The following GREM2 variants were observed in gnomAD, a reference collection of about 807,000 sequenced individuals.
The protein encoded by GREM2 is gremlin 2, DAN family BMP antagonist.
A neutral mutation model predicts 14.2 loss-of-function variants in GREM2; 11 were observed. That is an observed-to-expected ratio of 0.78 (90% CI 0.49 to 1.28). The LOEUF is 1.28. Ranked by LOEUF, GREM2 falls within the 50% of genes most tolerant of loss-of-function variation. GREM2 has a pLI of 0.00. For missense variants in GREM2, 210 were observed against 218.5 expected, an observed-to-expected ratio of 0.96 and a Z score of 0.24; for synonymous variants, 98 against 97.6, an observed-to-expected ratio of 1.00 and a Z score of -0.02.
At chr1:240,587,062 T>G (rs1262765425) in intron 1 of GREM2, among the ~76,000 whole-genome samples, 2 of 152,200 alleles carry the variant, frequency 1.3e-5, no homozygotes, top group African/African-American at 2.4e-5. Flanking sequence ...GATCCTGCTC[T>G]TGGGTCTGAT....
At position 240,526,217 on chromosome 1, in the gene GREM2, G is replaced by T. The variant is rs187809640; in HGVS notation, c.-1-32741C>A. Among the ~76,000 whole-genome samples the T allele has an allele frequency of 7.2e-5, 11 of 152,232 alleles. 2 individuals carry two copies. The South Asian group carries it at 2.3e-3, about 32-fold the overall frequency. On this transcript the variant is annotated intron_variant, in intron 1 of 1. Coordinates refer to ENST00000318160, the MANE Select transcript of GREM2 (RefSeq NM_022469.4). Reference sequence around the variant, plus strand: ...CATCTTTGGAGGGGGGCATTGTTTCGTCTGCCACGCCTCTCTAACGTGATT... The same window carrying T: ...CATCTTTGGAGGGGGGCATTGTTTCTTCTGCCACGCCTCTCTAACGTGATT...
rs374602745 is a variant in GREM2 at position 240,538,439 on chromosome 1, C to T, written c.-1-44963G>A. On this transcript the variant is annotated intron_variant, in intron 1 of 1. Transcript: ENST00000318160. ...TCTAGAGGCCAGGTGCGATGGCTCA[C>T]GCCTGTAATCCCAGCACTTTGGCAA... 4.3e-4 allele frequency among the ~76,000 whole-genome samples: 65 copies of T among 152,122 alleles called. 1 individual carries two copies. Among genetic ancestry groups the T allele is most frequent in the African/African-American group, 1.5e-3 (64 of 41,482 alleles).
intron 1 of GREM2, among the ~76,000 whole-genome samples, chr1:240,493,768 C>T (rs1029127209): frequency 5.3e-5 from 8 of 152,052 alleles, no homozygotes; most frequent in African/African-American, 1.9e-4. Flanking sequence ...TGGCCTCAAG[C>T]GCTCCTCTGC....
chr1:240,494,887 T>C (rs112578184), intron 1 of GREM2, among the ~76,000 whole-genome samples: 5,152 of 151,928 alleles, frequency 0.034, 314 homozygotes, highest in African/African-American at 0.12. Flanking sequence ...TGCGACAGAG[T>C]GAGACTCCGG....
chr1:240,607,169 G>A (rs975114246), intron 1 of GREM2, among the ~76,000 whole-genome samples: 1 of 152,146 alleles, frequency 6.6e-6, no homozygotes, highest in African/African-American at 2.4e-5. Context: ...TCAGAGGGAA[G>A]CACGTAGAAT....
intron 1 of GREM2, among the ~76,000 whole-genome samples, chr1:240,600,354 T>C (rs1679898367): frequency 6.6e-6 from 1 of 152,158 alleles, no homozygotes; most frequent in South Asian, 2.1e-4. Flanking sequence ...TCCCAGACCT[T>C]TACAGGAGCA....
At chr1:240,567,741 A>G (rs1228981758) in intron 1 of GREM2, among the ~76,000 whole-genome samples, 1 of 152,242 alleles carries the variant, frequency 6.6e-6, no homozygotes. Context: ...CAGAAATGGT[A>G]ACAAGTGAGT....
At chr1:240,551,555 C>T (rs908770582) in intron 1 of GREM2, among the ~76,000 whole-genome samples, 2 of 152,032 alleles carry the variant, frequency 1.3e-5, no homozygotes, top group South Asian at 4.1e-4. Flanking sequence ...CACATGTTGG[C>T]CAGGCTGGTC....
chr1:240,501,915 A>G (rs1558138903), intron 1 of GREM2, among the ~76,000 whole-genome samples: 1 of 152,206 alleles, frequency 6.6e-6, no homozygotes, highest in African/African-American at 2.4e-5. Context: ...ATCAGAAGCT[A>G]TCCATTAGAA....
intron 1 of GREM2, among the ~76,000 whole-genome samples, chr1:240,573,925 G>A (rs1356886503): frequency 2.0e-5 from 3 of 151,960 alleles, no homozygotes; most frequent in Non-Finnish European, 4.4e-5. Flanking sequence ...AGATAGGTTT[G>A]TTTTGTTTTG....
intron 1 of GREM2, among the ~76,000 whole-genome samples, chr1:240,601,319 AT>A (rs1679918079): frequency 1.3e-5 from 2 of 152,336 alleles, no homozygotes; most frequent in South Asian, 4.1e-4. Flanking sequence ...TTCAAAATTC[AT>A]GCTCCAAACC....
At chr1:240,563,228 TGA>T (rs144624263) in intron 1 of GREM2, among the ~76,000 whole-genome samples, 4,748 of 151,950 alleles carry the variant, frequency 0.031, 148 homozygotes, top group African/African-American at 0.079. Flanking sequence ...TGAGTGTGCG[TGA>T]GAGTGTGTGT....
intron 1 of GREM2, among the ~76,000 whole-genome samples, chr1:240,506,842 G>C (rs1282191752): frequency 6.6e-6 from 1 of 152,216 alleles, no homozygotes; most frequent in Admixed American, 6.5e-5. Context: ...CTAGGGAATT[G>C]GCTGTTTGAG....
chr1:240,500,638 T>C (rs1422160627), intron 1 of GREM2, among the ~76,000 whole-genome samples: 1 of 152,180 alleles, frequency 6.6e-6, no homozygotes, highest in Admixed American at 6.5e-5. Flanking sequence ...CACACTCTTT[T>C]GCAACTTTTT....
chr1:240,558,759 A>T (rs919568567), intron 1 of GREM2, among the ~76,000 whole-genome samples: 1 of 152,124 alleles, frequency 6.6e-6, no homozygotes, highest in Non-Finnish European at 1.5e-5. Context: ...TGTTGGTTAT[A>T]TCTATCATAT....
chr1:240,587,043 T>A (rs947985819), intron 1 of GREM2, among the ~76,000 whole-genome samples: 5 of 152,188 alleles, frequency 3.3e-5, no homozygotes, highest in African/African-American at 1.2e-4. Context: ...TCGAAGGCTT[T>A]ATTTGATCGA....
At chr1:240,582,432 T>C (rs1215976576) in intron 1 of GREM2, among the ~76,000 whole-genome samples, 1 of 151,454 alleles carries the variant, frequency 6.6e-6, no homozygotes, top group Non-Finnish European at 1.5e-5. Flanking sequence ...TGAAACTCCA[T>C]CACACACACA....
At chr1:240,563,382 T>TA (rs1361105842) in intron 1 of GREM2, among the ~76,000 whole-genome samples, 1 of 152,192 alleles carries the variant, frequency 6.6e-6, no homozygotes, top group Admixed American at 6.5e-5. Context: ...TTCTCTCTGT[T>TA]TGTTACTGCG....
intron 1 of GREM2, among the ~76,000 whole-genome samples, chr1:240,554,455 A>G (rs535435566): frequency 6.6e-5 from 10 of 151,960 alleles, no homozygotes; most frequent in African/African-American, 2.4e-4. Flanking sequence ...TTGCCCAAAT[A>G]GTCCTAGAAA....
Sources: allele counts gnomAD v4.1 joint callset (sites outside exome capture counted in the v4.1 genomes callset), GRCh38; gene constraint gnomAD v4.1.1; transcripts MANE v1.5; gene names NCBI Gene and HGNC (gene_info 2026-07-23, HGNC 2026-07-21).